The following MTR variants were observed in gnomAD, a reference collection of about 807,000 sequenced individuals.
MTR encodes the protein 5-methyltetrahydrofolate-homocysteine methyltransferase.
Under a neutral mutation model 154.8 loss-of-function variants are expected in MTR, and 84 were observed. That is an observed-to-expected ratio of 0.54 (90% CI 0.45 to 0.65). MTR has a LOEUF of 0.65. MTR is among the 30% of genes least tolerant of loss of function. MTR has a pLI of 0.00. For missense variants in MTR, 1,275 were observed against 1,570.2 expected, an observed-to-expected ratio of 0.81 and a Z score of 3.18; for synonymous variants, 554 against 553.9, an observed-to-expected ratio of 1.00 and a Z score of 0.00.
intron 7 of MTR, 31 bp downstream of exon 7, chr1:236,815,694 C>CTGTG (rs2103058748): frequency 6.2e-7 from 1 of 1,601,514 alleles, no homozygotes; most frequent in Non-Finnish European, 8.6e-7. Flanking sequence ...ACAATACATT[C>CTGTG]TTTTATTAAT....
intron 14 of MTR, among the ~76,000 whole-genome samples, chr1:236,836,342 A>G (rs1163297798): frequency 1.3e-5 from 2 of 151,916 alleles, no homozygotes; most frequent in African/African-American, 4.8e-5. Flanking sequence ...GCTCACTGCA[A>G]CCTCAGGCTT....
intron 9 of MTR, among the ~76,000 whole-genome samples, 169 bp from the exon 10 acceptor site, chr1:236,825,169 G>A (rs909430616): frequency 9.3e-6 from 1 of 107,512 alleles, no homozygotes; most frequent in Non-Finnish European, 1.8e-5. Flanking sequence ...AGTTTTTTGG[G>A]GGGTGTGGTA....
intron 31 of MTR, 116 bp from the exon 32 acceptor site, chr1:236,896,890 G>T: frequency 1.3e-6 from 1 of 799,350 alleles, no homozygotes; most frequent in South Asian, 1.3e-5. Context: ...CTACCTAGAA[G>T]GCATGAGCTC....
intron 15 of MTR, among the ~76,000 whole-genome samples, chr1:236,847,848 G>A (rs921965668): frequency 6.6e-6 from 1 of 152,156 alleles, no homozygotes; most frequent in Admixed American, 6.5e-5. Flanking sequence ...CTGCCATTCC[G>A]TTGTTTTACT....
At chr1:236,803,320 C>A in intron 1 of MTR, 108 bp from the exon 2 acceptor site, 2 of 1,099,668 alleles carry the variant, frequency 1.8e-6, no homozygotes, top group South Asian at 1.4e-5. Context: ...CTTTTATAAA[C>A]TCCATTTACT....
In MTR at chr1:236,891,148, A is replaced by G; in HGVS notation, c.3023A>G (p.Lys1008Arg). ...TTTCTAATAGGTGGAGAGGCCAGGA[A>G]GGTCTACGATGATGCCCACAATATG... ...NDKTVGGEAR[K>R]VYDDAHNMLN... Residue 1008 changes from lysine to arginine, a missense_variant, in exon 29 of 33, where the codon AAG (lysine) becomes AGG (arginine). Lys to Arg is a conservative substitution (Grantham distance 26). Transcript: ENST00000366577. 6 of 1,614,188 alleles carry G rather than the reference A, an allele frequency of 3.7e-6. No individual in the cohort carries two copies. The highest frequency in any genetic ancestry group is 5.1e-6 in the Non-Finnish European group (6 of 1,180,028).
At chr1:236,887,217 GA>G (rs1267321783) in intron 27 of MTR, among the ~76,000 whole-genome samples, 1 of 152,178 alleles carries the variant, frequency 6.6e-6, no homozygotes, top group Non-Finnish European at 1.5e-5. Flanking sequence ...GAGTTGAGCG[GA>G]TTAAATTGGA....
intron 22 of MTR, among the ~76,000 whole-genome samples, chr1:236,873,383 C>T (rs1025428862): frequency 6.6e-6 from 1 of 151,980 alleles, no homozygotes; most frequent in Non-Finnish European, 1.5e-5. Context: ...GATGGTTGCT[C>T]AACATTGTAA....
chr1:236,858,611 G>GGCTAC (rs1230205692), intron 18 of MTR, among the ~76,000 whole-genome samples: 2 of 152,178 alleles, frequency 1.3e-5, no homozygotes, highest in Non-Finnish European at 2.9e-5. Flanking sequence ...TGTGGAAGAT[G>GGCTAC]AATCAGAGAC....
chr1:236,858,833 T>A (rs904711579), intron 18 of MTR, among the ~76,000 whole-genome samples: 17 of 152,336 alleles, frequency 1.1e-4, no homozygotes, highest in Admixed American at 6.5e-4. Flanking sequence ...TAATGCAATT[T>A]ATCAGGTGTG....
intron 18 of MTR, among the ~76,000 whole-genome samples, chr1:236,858,207 G>A (rs577328531): frequency 6.6e-6 from 1 of 152,300 alleles, no homozygotes; most frequent in African/African-American, 2.4e-5. Flanking sequence ...GGTTCCACGT[G>A]GCTGGGGAGG....
In MTR at chr1:236,852,990, G is replaced by T. The variant is rs557853306; in HGVS notation, c.1855G>T (p.Val619Leu). Residue 619 changes from valine (V) to leucine (L), a missense_variant, in exon 18 of 33, where the codon GTG becomes TTG. Transcript: ENST00000366577. ...MGIVNAGNLP[V>L]YDDIHKELLQ... Reference sequence around the variant, plus strand: ...GATAGTGAATGCTGGAAACCTCCCTGTGTATGATGATATCCATAAGGAACT... The same window carrying T: ...GATAGTGAATGCTGGAAACCTCCCTTTGTATGATGATATCCATAAGGAACT... The T allele has an allele frequency of 6.2e-7, 1 of 1,614,028 alleles. No individual in the cohort carries two copies. The highest frequency in any genetic ancestry group is 8.5e-7 in the Non-Finnish European group (1 of 1,179,918).
intron 18 of MTR, among the ~76,000 whole-genome samples, chr1:236,853,684 T>G (rs1445908606): frequency 6.6e-6 from 1 of 152,208 alleles, no homozygotes; most frequent in Non-Finnish European, 1.5e-5. Context: ...GTGGCTATGT[T>G]AGTGTTACAT....
At chr1:236,875,683 A>G (rs772668921) in intron 24 of MTR, among the ~76,000 whole-genome samples, 8 of 152,162 alleles carry the variant, frequency 5.3e-5, no homozygotes, top group African/African-American at 9.7e-5. Context: ...TAGGTATACA[A>G]TAAAGGTCTG....
At chr1:236,809,496 T>A (rs1661179254) in intron 4 of MTR, among the ~76,000 whole-genome samples, 1 of 152,236 alleles carries the variant, frequency 6.6e-6, no homozygotes, top group Admixed American at 6.5e-5. Flanking sequence ...ATACACAGCA[T>A]ACTAATGAAG....
chr1:236,816,366 A>T (rs1661592378), intron 7 of MTR, 83 bp from the exon 8 acceptor site: 2 of 1,131,026 alleles, frequency 1.8e-6, no homozygotes, highest in South Asian at 2.5e-5. Flanking sequence ...AAAGGAAGTC[A>T]GTGTGTTCAT....
chr1:236,900,156 T>A lies in MTR; in HGVS notation c.*2512T>A. 2.5e-6 allele frequency: 1 copy of A among 406,988 alleles called. No homozygotes were observed. The allele number at this position is 406,988 out of a possible 1,614,324, so 25.2% of individuals were successfully genotyped here. A position where few individuals can be genotyped will look rare whatever the true frequency, so the allele number is the denominator to read the frequency against. The stretch of plus-strand genomic sequence containing the variant: ...TATAATAGTTAATAACTGGAAAAAG[T>A]GAAATGTATGTCTGTCTACAGGAAA... On this transcript the variant is annotated 3_prime_UTR_variant, in exon 33 of 33. Coordinates refer to ENST00000366577, the MANE Select transcript of MTR (RefSeq NM_000254.3).
chr1:236,823,796 C>CTTTTTTTTTTTTT, intron 8 of MTR, among the ~76,000 whole-genome samples: 4 of 18,438 alleles, frequency 2.2e-4, no homozygotes, highest in African/African-American at 7.9e-4. Context: ...CAGGTCAGAT[C>CTTTTTTTTTTTTT]TTTTTTTTTT....
rs1328682118 is a variant in MTR at position 236,795,426 on chromosome 1, C to T, written c.-278C>T. 6.8e-7 allele frequency: 1 copy of T among 1,473,706 alleles called. No individual in the cohort carries two copies. Among genetic ancestry groups the T allele is most frequent in the African/African-American group, 1.4e-5 (1 of 71,704 alleles). 91.3% of individuals were successfully genotyped at this position (1,473,706 alleles called of 1,614,324 possible). A position where few individuals can be genotyped will look rare whatever the true frequency, so the allele number is the denominator to read the frequency against. Reference sequence around the variant, plus strand: ...CGACTCCGCCTCTGGCCGCGCGTGTCTGGCTGCTAGGCCGACACCAAGGAC... The same window carrying T: ...CGACTCCGCCTCTGGCCGCGCGTGTTTGGCTGCTAGGCCGACACCAAGGAC... On this transcript the variant is annotated 5_prime_UTR_variant, in exon 1 of 33. Transcript: ENST00000366577.
Sources: gnomAD v4.1 joint callset for allele counts (sites outside exome capture counted in the v4.1 genomes callset) on GRCh38, gnomAD v4.1.1 for gene constraint, MANE v1.5 for transcripts, NCBI Gene and HGNC (gene_info 2026-07-23, HGNC 2026-07-21) for gene names.